GHR: variants seen among roughly 807,000 people sequenced by gnomAD.
GHR encodes the protein GH receptor.
A neutral mutation model predicts 67.1 loss-of-function variants in GHR; 35 were observed. That is an observed-to-expected ratio of 0.52 (90% CI 0.40 to 0.69). The LOEUF (loss-of-function observed/expected upper bound fraction) is 0.69, where lower values mean the gene tolerates loss of function less well. GHR is among the 30% of genes least tolerant of loss of function. The pLI is 0.00. For missense variants in GHR, 792 were observed against 764.6 expected (o/e 1.04, Z -0.42); for synonymous variants, 272 against 269.1 (o/e 1.01, Z -0.10).
intron 2 of GHR, among the ~76,000 whole-genome samples, chr5:42,599,199 G>A (rs1353190019): frequency 6.6e-6 from 1 of 152,178 alleles, no homozygotes; most frequent in African/African-American, 2.4e-5. Flanking sequence ...GACTATGTCA[G>A]ATTAGGTAGA....
Position 42,689,026 on chromosome 5 carries a change from C to G in GHR, c.266+7C>G, listed in dbSNP as rs1358694610. ...AGCTGTTCTATACCAGAAGGTGCCA[C>G]CATCATGCCTTTCTGATTTTCCTCT... On this transcript the variant is annotated splice_region_variant and intron_variant, in intron 4 of 9. Coordinates refer to ENST00000230882, the MANE Select transcript of GHR (RefSeq NM_000163.5). The G allele has an allele frequency of 6.2e-7, 1 of 1,612,840 alleles. No homozygotes were observed. Among genetic ancestry groups the G allele is most frequent in the East Asian group, 2.2e-5 (1 of 44,866 alleles).
intron 1 of GHR, among the ~76,000 whole-genome samples, chr5:42,443,345 A>C (rs1743662054): frequency 6.6e-6 from 1 of 152,198 alleles, no homozygotes; most frequent in Admixed American, 6.5e-5. Context: ...TTCCAGTTAA[A>C]TAGAAGACCA....
intron 2 of GHR, among the ~76,000 whole-genome samples, chr5:42,609,498 T>A (rs996506632): frequency 1.8e-4 from 28 of 152,176 alleles, no homozygotes; most frequent in African/African-American, 6.8e-4. Flanking sequence ...CCTTCCTCTG[T>A]TTGCTAACTG....
At chr5:42,481,693 C>T (rs1369830518) in intron 1 of GHR, among the ~76,000 whole-genome samples, 4 of 152,240 alleles carry the variant, frequency 2.6e-5, no homozygotes, top group Admixed American at 1.3e-4. Context: ...GAGGCTTCTG[C>T]ATTTGTCACG....
chr5:42,426,396 G>T (rs1742855207), intron 1 of GHR, among the ~76,000 whole-genome samples: 1 of 152,102 alleles, frequency 6.6e-6, no homozygotes. Flanking sequence ...GTTTAGCTTA[G>T]TGAAAAAAGC....
At chr5:42,654,047 A>G (rs1755133164) in intron 3 of GHR, among the ~76,000 whole-genome samples, 1 of 151,810 alleles carries the variant, frequency 6.6e-6, no homozygotes, top group African/African-American at 2.4e-5. Context: ...TATCTCTTCT[A>G]TGCTTTTATT....
chr5:42,629,082 G>A lies in GHR; in HGVS notation c.115G>A (p.Val39Ile). The A allele has an allele frequency of 7.2e-7, 1 of 1,385,596 alleles. No individual in the cohort carries two copies. The highest frequency in any genetic ancestry group is 1.0e-6 in the Non-Finnish European group (1 of 1,002,554). 85.8% of individuals were successfully genotyped at this position (1,385,596 alleles called of 1,614,324 possible). ...CAGAGCACCCTGGAGTCTGCAAAGT[G>A]TTAATCCAGGCCTAAAGACAAGTAA... Reference protein sequence around the residue: ...LSRAPWSLQSVNPGLKTNSSK... With the variant: ...LSRAPWSLQSINPGLKTNSSK... The change falls in exon 3 of 10, where the codon GTT becomes ATT. Residue 39 changes from valine (V) to isoleucine (I), a missense_variant. Val to Ile is a conservative substitution (Grantham distance 29, BLOSUM62 3). Transcript: ENST00000230882.
chr5:42,463,949 C>T (rs867160587), intron 1 of GHR, among the ~76,000 whole-genome samples: 19 of 143,250 alleles, frequency 1.3e-4, no homozygotes, highest in African/African-American at 4.7e-4. Context: ...GCCGAGATCC[C>T]GCCACTGCAC....
chr5:42,679,460 A>G (rs1756748066), intron 3 of GHR, among the ~76,000 whole-genome samples: 1 of 151,818 alleles, frequency 6.6e-6, no homozygotes, highest in South Asian at 2.1e-4. Context: ...CATTGTCTCT[A>G]CTAAAAATAT....
intron 1 of GHR, chr5:42,466,051 T>G (rs1744719166): frequency 4.6e-6 from 2 of 432,602 alleles, no homozygotes; most frequent in African/African-American, 2.0e-5. Context: ...CTTTATTCTT[T>G]GATTCCTCTA....
intron 1 of GHR, among the ~76,000 whole-genome samples, chr5:42,503,813 T>A (rs890785174): frequency 1.3e-4 from 19 of 152,000 alleles, no homozygotes; most frequent in African/African-American, 4.1e-4. Flanking sequence ...TTAATAGAAC[T>A]GAAGGACATA....
chr5:42,542,848 T>C (rs542015384), intron 1 of GHR, among the ~76,000 whole-genome samples: 1 of 152,234 alleles, frequency 6.6e-6, no homozygotes, highest in South Asian at 2.1e-4. Flanking sequence ...TGCATACCCA[T>C]AGCTTACCTC....
intron 1 of GHR, among the ~76,000 whole-genome samples, chr5:42,460,807 T>G (rs61043035): frequency 0.28 from 42,956 of 152,030 alleles, 6,658 homozygotes; most frequent in African/African-American, 0.37. Context: ...TCATTTGAGT[T>G]CCTGTCAGTA....
chr5:42,578,470 A>G (rs570386702), intron 2 of GHR, among the ~76,000 whole-genome samples: 1 of 152,324 alleles, frequency 6.6e-6, no homozygotes, highest in South Asian at 2.1e-4. Context: ...TTTGCCAGGT[A>G]AACAAAGAGT....
At chr5:42,525,860 T>C (rs1561096160) in intron 1 of GHR, among the ~76,000 whole-genome samples, 3 of 152,230 alleles carry the variant, frequency 2.0e-5, no homozygotes, top group Non-Finnish European at 2.9e-5. Context: ...GCCGCCACCA[T>C]GTAAGAAGAG....
chr5:42,426,361 T>C (rs1374859254), intron 1 of GHR, among the ~76,000 whole-genome samples: 8 of 152,132 alleles, frequency 5.3e-5, no homozygotes. Flanking sequence ...GTGAGTGACG[T>C]AGTGAGAAAG....
intron 5 of GHR, among the ~76,000 whole-genome samples, chr5:42,698,450 G>A (rs995295580): frequency 6.6e-6 from 1 of 152,154 alleles, no homozygotes; most frequent in African/African-American, 2.4e-5. Flanking sequence ...GAAGGGTGAG[G>A]AATTATTGCC....
At chr5:42,622,994 CAA>C (rs1004987603) in intron 2 of GHR, among the ~76,000 whole-genome samples, 1 of 152,084 alleles carries the variant, frequency 6.6e-6, no homozygotes, top group African/African-American at 2.4e-5. Flanking sequence ...CCTAAGTGCA[CAA>C]AGTCTAATGT....
intron 1 of GHR, among the ~76,000 whole-genome samples, chr5:42,527,060 A>T (rs1579872600): frequency 6.6e-6 from 1 of 152,240 alleles, no homozygotes; most frequent in Admixed American, 6.5e-5. Flanking sequence ...GACCTCCCTT[A>T]TAAGAGATCT....
Sources: allele counts gnomAD v4.1 joint callset (sites outside exome capture counted in the v4.1 genomes callset), GRCh38; gene constraint gnomAD v4.1.1; transcripts MANE v1.5; gene names NCBI Gene and HGNC (gene_info 2026-07-23, HGNC 2026-07-21).